OTOA: variants seen among roughly 807,000 people sequenced by gnomAD.
The protein encoded by OTOA is otoancorin.
Under a neutral mutation model 110.8 loss-of-function variants are expected in OTOA, and 70 were observed. That is an observed-to-expected ratio of 0.63 (90% CI 0.52 to 0.77). The LOEUF is 0.77. Ranked by LOEUF, OTOA falls within the 30% of genes least tolerant of loss-of-function variation. The pLI is 0.00. For missense variants in OTOA, 917 were observed against 1,075.8 expected, an observed-to-expected ratio of 0.85 and a Z score of 2.06; for synonymous variants, 373 against 431.5, an observed-to-expected ratio of 0.86 and a Z score of 1.68.
At chr16:21,697,442 G>T (rs752633781) in intron 9 of OTOA, among the ~76,000 whole-genome samples, 63 of 152,236 alleles carry the variant, frequency 4.1e-4, no homozygotes, top group Non-Finnish European at 7.6e-4. Flanking sequence ...AGACCAGCCT[G>T]ACCAACATGG....
intron 10 of OTOA, among the ~76,000 whole-genome samples, chr16:21,698,766 C>A (rs540944902): frequency 2.6e-4 from 40 of 152,170 alleles, no homozygotes; most frequent in African/African-American, 7.2e-4. Flanking sequence ...TAACCCCGCA[C>A]CCCACTGCCA....
rs1445898502 is a variant in OTOA at position 21,681,776 on chromosome 16, T to C, written c.218T>C (p.Leu73Pro). The C allele has an allele frequency of 5.6e-6, 9 of 1,614,008 alleles. No homozygotes were observed. In the South Asian group the frequency reaches 7.7e-5, roughly 14 times the overall value. ...ACGGATGACCTGTCCCACAGAGTCC[T>C]GGCCTATCTGAATTCCCGGAATGTT... is the stretch of plus-strand genomic sequence containing the variant. Reference protein sequence around the residue: ...VWTDDLSHRVLAYLNSRNVAF... With the variant: ...VWTDDLSHRVPAYLNSRNVAF... The change falls in exon 6 of 29, where the codon CTG becomes CCG. Residue 73 changes from leucine to proline, a missense_variant. This residue lies in a region of OTOA where 840 missense variants were observed against 910.2 expected (regional missense o/e 0.92). Transcript: ENST00000646100.
intron 15 of OTOA, among the ~76,000 whole-genome samples, chr16:21,718,038 C>G (rs1898610625): frequency 6.6e-6 from 1 of 152,096 alleles, no homozygotes; most frequent in Admixed American, 6.6e-5. Flanking sequence ...CTCACTGTAA[C>G]CTCCTCCTCC....
intron 28 of OTOA, among the ~76,000 whole-genome samples, 180 bp from the exon 29 acceptor site, chr16:21,760,290 A>G (rs1429473867): frequency 6.6e-6 from 1 of 151,514 alleles, no homozygotes; most frequent in Non-Finnish European, 1.5e-5. Context: ...ATCTCATTTA[A>G]TTCTCACTCC....
At chr16:21,699,364 C>T (rs545184485) in intron 10 of OTOA, among the ~76,000 whole-genome samples, 3 of 152,280 alleles carry the variant, frequency 2.0e-5, no homozygotes, top group East Asian at 1.9e-4. Context: ...TGCCGGCTGC[C>T]GTGGCCCATG....
Position 21,700,974 on chromosome 16 carries a change from G to A in OTOA, c.927G>A (p.Leu309=). 2 of 1,614,072 alleles carry A rather than the reference G, an allele frequency of 1.2e-6. No homozygotes were observed. Among genetic ancestry groups the A allele is most frequent in the Non-Finnish European group, 1.7e-6 (2 of 1,180,004 alleles). ...CACCTGAGCTGGCCCAGGCGTTTCTGGAGAGGATCAGCTCCTCCAACTTTA... is the reference window on the plus strand; with the variant it reads ...CACCTGAGCTGGCCCAGGCGTTTCTAGAGAGGATCAGCTCCTCCAACTTTA... ...DITPELAQAF[L]ERISSSNFNM... is the part of the protein sequence containing the mutation. Residue 309 remains leucine, a synonymous_variant, in exon 11 of 29, where the codon CTG becomes CTA. Transcript: ENST00000646100.
chr16:21,672,937 C>T (rs921643002), intron 1 of OTOA, among the ~76,000 whole-genome samples: 11 of 152,036 alleles, frequency 7.2e-5, no homozygotes, highest in Non-Finnish European at 1.5e-4. Context: ...TGCTTGAGGC[C>T]AGGAGTTTGA....
At chr16:21,729,252 G>T (rs2141720509) in intron 20 of OTOA, among the ~76,000 whole-genome samples, 1 of 152,124 alleles carries the variant, frequency 6.6e-6, no homozygotes, top group South Asian at 2.1e-4. Context: ...GCCTAGGTGG[G>T]TCTTGAACTC....
chr16:21,707,772 T>TCC (rs562004649), intron 12 of OTOA, among the ~76,000 whole-genome samples: 2 of 23,708 alleles, frequency 8.4e-5, no homozygotes, highest in Non-Finnish European at 1.5e-4. Flanking sequence ...TCCCTCCCCC[T>TCC]CCCCCCCCCA....
At chr16:21,712,951 T>TG (rs1301856310) in intron 13 of OTOA, among the ~76,000 whole-genome samples, 1 of 152,082 alleles carries the variant, frequency 6.6e-6, no homozygotes, top group Non-Finnish European at 1.5e-5. Context: ...CCTCAGGAAC[T>TG]GGGGGGTTTC....
chr16:21,749,651 ATC>A (rs1899762254), intron 24 of OTOA, among the ~76,000 whole-genome samples: 2 of 129,990 alleles, frequency 1.5e-5, no homozygotes, highest in African/African-American at 3.0e-5. Context: ...AGGTCTTATA[ATC>A]TCTTTTACTT....
At chr16:21,687,327 C>A in intron 7 of OTOA, 86 bp from the exon 8 acceptor site, 1 of 1,051,878 alleles carries the variant, frequency 9.5e-7, no homozygotes, top group Non-Finnish European at 1.5e-6. Flanking sequence ...CTGACTTTCC[C>A]CACTGTTGCA....
At chr16:21,672,371 C>T (rs868448532) in intron 1 of OTOA, among the ~76,000 whole-genome samples, 2 of 151,946 alleles carry the variant, frequency 1.3e-5, no homozygotes, top group South Asian at 4.2e-4. Context: ...GCCAGCAATC[C>T]CAGCACTTTG....
chr16:21,726,374 A>C, intron 18 of OTOA, 149 bp from the exon 19 acceptor site: 1 of 1,057,926 alleles, frequency 9.5e-7, no homozygotes, highest in Non-Finnish European at 1.4e-6. Context: ...GAAGCTTGCT[A>C]CCTGCTGCAG....
Position 21,715,138 on chromosome 16 carries a change from G to A in OTOA, c.1474G>A (p.Gly492Ser). 1 of 1,614,152 alleles carries A rather than the reference G, an allele frequency of 6.2e-7. No individual in the cohort carries two copies. Among genetic ancestry groups the A allele is most frequent in the Non-Finnish European group, 8.5e-7 (1 of 1,180,008 alleles). Residue 492 changes from glycine to serine, a missense_variant, in exon 14 of 29, where the codon GGT (glycine) becomes AGT (serine). By Grantham distance (56) the Gly-to-Ser change is moderately conservative. Around this residue, in one of 6 missense-constraint regions of OTOA, gnomAD observed 840 missense variants for 910.2 expected, o/e 0.92. Coordinates refer to ENST00000646100, the MANE Select transcript of OTOA (RefSeq NM_144672.4). ...CGACTTGTCACCTGCCCAGCAGCAA[G>A]GTATCCTCAGCAAGGTGAGAGGAAG... The part of the protein sequence containing the change: ...VSDLSPAQQQ[G>S]ILSKMVQAED...
At chr16:21,685,393 G>A (rs1291313332) in intron 7 of OTOA, 32 bp downstream of exon 7, 1 of 1,605,980 alleles carries the variant, frequency 6.2e-7, no homozygotes, top group Non-Finnish European at 8.5e-7. Flanking sequence ...GGGGATAGAG[G>A]AAGTCCAGCA....
intron 13 of OTOA, among the ~76,000 whole-genome samples, chr16:21,714,371 CTCTCTTTCTCTCT>C: frequency 2.8e-5 from 3 of 105,982 alleles, no homozygotes; most frequent in Non-Finnish European, 6.2e-5. Flanking sequence ...CTTTCTTTCT[CTCTCTTTCTCTCT>C]TTCTCTCTTT....
rs776083450 is a variant in OTOA, at chr16:21,678,532, G to T, written c.18G>T (p.Thr6=). The change falls in exon 2 of 29, where the codon ACG becomes ACT. Residue 6 remains threonine, a synonymous_variant. Transcript: ENST00000646100. MSQEP[T]TYSLFLFLFL... ...ACAGGAGAATGTCTCAGGAACCTAC[G>T]ACATACTCCCTTTTCCTATTCCTTT... is the stretch of plus-strand genomic sequence containing the variant. 6.2e-7 allele frequency: 1 copy of T among 1,613,450 alleles called. No homozygotes were observed. Among genetic ancestry groups the T allele is most frequent in the Non-Finnish European group, 8.5e-7 (1 of 1,179,822 alleles).
chr16:21,669,742 A>G (rs558483444), intron 1 of OTOA, among the ~76,000 whole-genome samples: 1 of 152,268 alleles, frequency 6.6e-6, no homozygotes, highest in Admixed American at 6.5e-5. Context: ...AGTTATTGTC[A>G]TCTCTTTCCT....
Sources: allele counts gnomAD v4.1 joint callset (sites outside exome capture counted in the v4.1 genomes callset), GRCh38; gene constraint gnomAD v4.1.1; regional missense constraint gnomAD v4.1.1; transcripts MANE v1.5; gene names NCBI Gene and HGNC (gene_info 2026-07-23, HGNC 2026-07-21).